The following CADM2 variants were observed in gnomAD, a reference collection of about 807,000 sequenced individuals.
CADM2 encodes the protein cell adhesion molecule 2.
In CADM2, 12 loss-of-function variants were observed where a neutral mutation model predicts 49.8. That is an observed-to-expected ratio of 0.24 (90% CI 0.15 to 0.39). CADM2 has a LOEUF of 0.39. Among genes scored for constraint, CADM2 ranks in the 10% least tolerant of loss-of-function variants. CADM2 has a pLI of 1.00. For missense variants in CADM2, 378 were observed against 492.3 expected (o/e 0.77, Z 2.20); for synonymous variants, 214 against 175.4 (o/e 1.22, Z -1.74).
intron 1 of CADM2, among the ~76,000 whole-genome samples, chr3:85,724,476 A>C (rs1167168979): frequency 6.6e-6 from 1 of 151,932 alleles, no homozygotes; most frequent in East Asian, 1.9e-4. Flanking sequence ...TTAGCAAAAA[A>C]AAAACAGAAT....
chr3:85,052,127 T>C (rs935909940), intron 1 of CADM2, among the ~76,000 whole-genome samples: 1 of 152,160 alleles, frequency 6.6e-6, no homozygotes, highest in Non-Finnish European at 1.5e-5. Context: ...TTCCAAATCA[T>C]ATGTCTCTTA....
chr3:85,678,484 G>C (rs894625920), intron 1 of CADM2, among the ~76,000 whole-genome samples: 2 of 152,042 alleles, frequency 1.3e-5, no homozygotes, highest in Non-Finnish European at 2.9e-5. Context: ...CTAATATTTA[G>C]TGTTATTGCT....
At position 84,972,585 on chromosome 3, in the gene CADM2, AT is replaced by A. The variant is rs1238224579; in HGVS notation, c.61+12922del. ...AAATTAGGAAATTGATTCCTTTGTC[AT>A]TTTTATTATTAGGAAGTGGACTGGA... On this transcript the variant is annotated intron_variant, in intron 1 of 9. Transcript: ENST00000383699. Among the ~76,000 whole-genome samples, 5 of 152,210 alleles carry A rather than the reference AT, an allele frequency of 3.3e-5. No homozygotes were observed. In the South Asian group the frequency reaches 6.2e-4, roughly 19 times the overall value.
Position 85,496,761 on chromosome 3 carries a change from T to G in CADM2, c.62-229761T>G, listed in dbSNP as rs184240174. ...TTACTGATGTAAGATGTTATCTCACTGTGGTTTTGTTTTGTATGTCTCTGA... is the reference window on the plus strand; with the variant it reads ...TTACTGATGTAAGATGTTATCTCACGGTGGTTTTGTTTTGTATGTCTCTGA... On this transcript the variant is annotated intron_variant, in intron 1 of 9. Transcript: ENST00000383699. 1.4e-3 allele frequency among the ~76,000 whole-genome samples: 206 copies of G among 152,324 alleles called. 4 individuals are homozygous for G. Among genetic ancestry groups the G allele is most frequent in the Admixed American group, 0.013 (205 of 15,298 alleles).
chr3:85,483,705 A>T (rs1015341316), intron 1 of CADM2, among the ~76,000 whole-genome samples: 1 of 150,500 alleles, frequency 6.6e-6, no homozygotes, highest in Non-Finnish European at 1.5e-5. Context: ...GTATATCCAG[A>T]TATGTATATA....
At chr3:85,406,682 A>G (rs548358857) in intron 1 of CADM2, among the ~76,000 whole-genome samples, 8 of 151,938 alleles carry the variant, frequency 5.3e-5, no homozygotes, top group African/African-American at 1.9e-4. Flanking sequence ...TACCCTCTCC[A>G]CCTCTTGACG....
chr3:85,610,402 A>G (rs1471268382), intron 1 of CADM2, among the ~76,000 whole-genome samples: 1 of 151,934 alleles, frequency 6.6e-6, no homozygotes, highest in Non-Finnish European at 1.5e-5. Flanking sequence ...AGTTTATATT[A>G]AATAGTTGAT....
rs537162483 is a variant in CADM2, at chr3:85,015,763, G to T, written c.61+56095G>T. 1.2e-4 allele frequency among the ~76,000 whole-genome samples: 18 copies of T among 152,300 alleles called. No homozygotes were observed. In the East Asian group the frequency reaches 3.3e-3, roughly 28 times the overall value. ...ACAAGGAGGGAAAGGACACATTTATGAATGAAGGCTCCTTTGGGCTAGGTC... is the reference window on the plus strand; with the variant it reads ...ACAAGGAGGGAAAGGACACATTTATTAATGAAGGCTCCTTTGGGCTAGGTC... On this transcript the variant is annotated intron_variant, in intron 1 of 9. Transcript: ENST00000383699.
intron 1 of CADM2, among the ~76,000 whole-genome samples, chr3:85,336,733 T>C (rs947030127): frequency 3.3e-5 from 5 of 150,346 alleles, no homozygotes; most frequent in African/African-American, 1.2e-4. Context: ...TTTTTCCTTC[T>C]GAGAGTTAAA....
intron 1 of CADM2, among the ~76,000 whole-genome samples, chr3:85,558,670 A>T (rs1273078970): frequency 6.6e-6 from 1 of 152,056 alleles, no homozygotes; most frequent in East Asian, 1.9e-4. Context: ...TTTATTACCT[A>T]ACTTGAGTCA....
chr3:85,537,357 G>C lies in CADM2; in HGVS notation c.62-189165G>C, dbSNP rs1016093691. Among the ~76,000 whole-genome samples, 3 of 151,948 alleles carry C rather than the reference G, an allele frequency of 2.0e-5. No individual in the cohort carries two copies. In the East Asian group the frequency reaches 5.8e-4, roughly 29 times the overall value. On this transcript the variant is annotated intron_variant, in intron 1 of 9. Transcript: ENST00000383699. ...AAACATTTTTAAAAAATTAGCCCCA[G>C]AACTGAGTTTGTTATTCTAGTACCC...
At chr3:85,078,003 C>T (rs1195286448) in intron 1 of CADM2, among the ~76,000 whole-genome samples, 1 of 151,970 alleles carries the variant, frequency 6.6e-6, no homozygotes, top group African/African-American at 2.4e-5. Context: ...TAACTTTTTG[C>T]TCCATTGAGA....
chr3:85,040,525 A>AT (rs2107361018), intron 1 of CADM2, among the ~76,000 whole-genome samples: 1 of 152,050 alleles, frequency 6.6e-6, no homozygotes, highest in South Asian at 2.1e-4. Flanking sequence ...CTTGGGTGAA[A>AT]AAAAAAAAGC....
At chr3:85,169,720 G>A (rs1054736213) in intron 1 of CADM2, among the ~76,000 whole-genome samples, 2 of 152,132 alleles carry the variant, frequency 1.3e-5, no homozygotes, top group East Asian at 3.9e-4. Context: ...TGCAGTGAGC[G>A]AGGTGGAGCC....
intron 1 of CADM2, among the ~76,000 whole-genome samples, chr3:85,179,938 T>A (rs2040883305): frequency 6.6e-6 from 1 of 152,122 alleles, no homozygotes; most frequent in Admixed American, 6.5e-5. Context: ...GTCCCATAAA[T>A]ATTTACTAAG....
At chr3:85,773,028 T>G (rs981432173) in intron 2 of CADM2, among the ~76,000 whole-genome samples, 1 of 152,140 alleles carries the variant, frequency 6.6e-6, no homozygotes, top group South Asian at 2.1e-4. Flanking sequence ...CCCAGTTGCA[T>G]AATTGATTAA....
intron 1 of CADM2, among the ~76,000 whole-genome samples, chr3:85,386,615 A>G (rs1173191070): frequency 2.0e-5 from 3 of 152,206 alleles, no homozygotes; most frequent in Non-Finnish European, 4.4e-5. Flanking sequence ...TGGGCAGAGT[A>G]CTTAAACCTT....
At chr3:85,614,318 T>C (rs1470860014) in intron 1 of CADM2, among the ~76,000 whole-genome samples, 1 of 151,690 alleles carries the variant, frequency 6.6e-6, no homozygotes, top group Non-Finnish European at 1.5e-5. Context: ...TTTTACTTTA[T>C]ATATCTCCTT....
rs1371631366 is a variant in CADM2, at chr3:85,174,563, A to C, written c.61+214895A>C. Among the ~76,000 whole-genome samples, 4 of 151,578 alleles carry C rather than the reference A, an allele frequency of 2.6e-5. No homozygotes were observed. The East Asian group carries it at 7.8e-4, about 29-fold the overall frequency. On this transcript the variant is annotated intron_variant, in intron 1 of 9. Transcript: ENST00000383699. Reference sequence around the variant, plus strand: ...ATATATTTTAATTACACTCTTTTCAAGCATTCCTATTAAGGATTAGGGTGA... The same window carrying C: ...ATATATTTTAATTACACTCTTTTCACGCATTCCTATTAAGGATTAGGGTGA...
Sources: gnomAD v4.1 joint callset for allele counts (sites outside exome capture counted in the v4.1 genomes callset) on GRCh38, gnomAD v4.1.1 for gene constraint, MANE v1.5 for transcripts, NCBI Gene and HGNC (gene_info 2026-07-23, HGNC 2026-07-21) for gene names.